The following DGUOK variants were observed in gnomAD, a reference collection of about 807,000 sequenced individuals.
The protein encoded by DGUOK is deoxyguanosine kinase, mitochondrial.
Under a neutral mutation model 36.6 loss-of-function variants are expected in DGUOK, and 30 were observed. The ratio of observed to expected loss-of-function variants is 0.82; its 90% CI spans 0.61 to 1.11. The LOEUF (loss-of-function observed/expected upper bound fraction) is 1.11, where lower values mean the gene tolerates loss of function less well. Among genes scored for constraint, DGUOK ranks in the 50% most tolerant of loss-of-function variants. The pLI, the probability that DGUOK is intolerant of heterozygous loss-of-function variation, is 0.00. For missense variants in DGUOK, 361 were observed against 336.4 expected, an observed-to-expected ratio of 1.07 and a Z score of -0.57; for synonymous variants, 145 against 126.3, an observed-to-expected ratio of 1.15 and a Z score of -0.99.
intron 3 of DGUOK, 66 bp from the exon 4 acceptor site, chr2:73,950,519 C>T (rs1017344472): frequency 1.9e-6 from 3 of 1,555,896 alleles, no homozygotes; most frequent in East Asian, 2.2e-5. Flanking sequence ...TTCTCTCTCT[C>T]TCTCGTGCCT....
At chr2:73,946,679 C>G (rs1225436214) in intron 2 of DGUOK, 40 bp from the exon 3 acceptor site, 2 of 1,597,648 alleles carry the variant, frequency 1.3e-6, no homozygotes, top group South Asian at 2.2e-5. Flanking sequence ...AGTAAATATG[C>G]TTTCTAGGAA....
chr2:73,946,883 TGA>T lies in DGUOK; in HGVS notation c.424_425del (p.Arg142ValfsTer5). The T allele has an allele frequency of 1.2e-6, 2 of 1,613,142 alleles. No homozygotes were observed. Among genetic ancestry groups the T allele is most frequent in the Non-Finnish European group, 1.7e-6 (2 of 1,179,802 alleles). ...AGGCCAGGAAGCCAGTACAGATCTT[TGA>T]GAGGTCTGTGTACAGTGACAGGTAA... ...LQARKPVQIF[E>X]RSVYSDRYIF... On this transcript the variant is annotated frameshift_variant, in exon 3 of 7. Coordinates refer to ENST00000264093, the MANE Select transcript of DGUOK (RefSeq NM_080916.3). LOFTEE classifies it high-confidence loss of function.
At chr2:73,957,628 C>G (rs1028161446) in intron 5 of DGUOK, among the ~76,000 whole-genome samples, 2 of 152,164 alleles carry the variant, frequency 1.3e-5, no homozygotes, top group Non-Finnish European at 2.9e-5. Context: ...GAGCCGAGAT[C>G]GCACCACTGT....
chr2:73,947,401 T>C (rs1205113782), intron 3 of DGUOK, among the ~76,000 whole-genome samples: 2 of 152,108 alleles, frequency 1.3e-5, no homozygotes, highest in African/African-American at 4.8e-5. Flanking sequence ...TAGGCAGAAA[T>C]AGCACATCTG....
intron 1 of DGUOK, among the ~76,000 whole-genome samples, chr2:73,930,830 C>G (rs577016102): frequency 8.0e-6 from 1 of 124,786 alleles, no homozygotes; most frequent in Admixed American, 9.9e-5. Context: ...GAGTCTTGCT[C>G]TGGCACCCAG....
chr2:73,954,508 A>C (rs968597878), intron 4 of DGUOK, among the ~76,000 whole-genome samples: 1 of 152,038 alleles, frequency 6.6e-6, no homozygotes, highest in African/African-American at 2.4e-5. Flanking sequence ...CATCTCTAAA[A>C]ATTTTTTTTA....
At chr2:73,942,582 A>G (rs936591567) in intron 2 of DGUOK, among the ~76,000 whole-genome samples, 1 of 124,908 alleles carries the variant, frequency 8.0e-6, no homozygotes, top group African/African-American at 2.9e-5. Context: ...TATTTATCTT[A>G]TATGATTTAA....
At chr2:73,954,724 G>C (rs1682962325) in intron 4 of DGUOK, among the ~76,000 whole-genome samples, 1 of 152,100 alleles carries the variant, frequency 6.6e-6, no homozygotes, top group African/African-American at 2.4e-5. Context: ...GAGAGGCATA[G>C]TGAAAAGACC....
intron 1 of DGUOK, among the ~76,000 whole-genome samples, chr2:73,931,076 G>A (rs901200459): frequency 2.0e-5 from 3 of 152,082 alleles, no homozygotes; most frequent in Non-Finnish European, 4.4e-5. Context: ...GATTATAGGC[G>A]TTAGCCACCG....
intron 3 of DGUOK, among the ~76,000 whole-genome samples, chr2:73,949,618 C>G (rs1040399825): frequency 6.6e-6 from 1 of 152,200 alleles, no homozygotes; most frequent in Non-Finnish European, 1.5e-5. Flanking sequence ...AAGGTATTCT[C>G]TCAGTGGTGA....
intron 2 of DGUOK, among the ~76,000 whole-genome samples, chr2:73,945,656 CA>C (rs1206592581): frequency 1.3e-5 from 2 of 152,214 alleles, no homozygotes; most frequent in African/African-American, 4.8e-5. Context: ...CTCATCCACA[CA>C]GGCCTTCAGT....
chr2:73,945,856 C>T (rs1682260994), intron 2 of DGUOK, among the ~76,000 whole-genome samples: 1 of 152,130 alleles, frequency 6.6e-6, no homozygotes, highest in South Asian at 2.1e-4. Flanking sequence ...AACCCTGTCT[C>T]TACTAAAAAT....
intron 2 of DGUOK, among the ~76,000 whole-genome samples, chr2:73,943,325 T>TAAA (rs1682037981): frequency 3.7e-4 from 12 of 32,058 alleles, no homozygotes; most frequent in Non-Finnish European, 6.8e-4. Flanking sequence ...ACTTAAAAAT[T>TAAA]TTTTTTTTTT....
rs1311985668 is a variant in DGUOK, at chr2:73,946,817, C to T, written c.354C>T (p.Arg118=). The T allele has an allele frequency of 3.1e-6, 5 of 1,613,952 alleles. No homozygotes were observed. Among genetic ancestry groups the T allele is most frequent in the Non-Finnish European group, 4.2e-6 (5 of 1,180,040 alleles). Residue 118 remains arginine, a synonymous_variant, in exon 3 of 7, where the codon CGC becomes CGT. Coordinates refer to ENST00000264093, the MANE Select transcript of DGUOK (RefSeq NM_080916.3). The stretch of plus-strand genomic sequence containing the variant: ...TCCAGACATTTTCCTTTTTGAGCCG[C>T]CTGAAAGTACAGCTGGAGCCCTTCC... ...YTFQTFSFLS[R]LKVQLEPFPE...
intron 4 of DGUOK, among the ~76,000 whole-genome samples, chr2:73,956,225 G>T (rs1206397730): frequency 6.6e-6 from 1 of 152,216 alleles, no homozygotes; most frequent in Non-Finnish European, 1.5e-5. Context: ...CAAAGCAGCG[G>T]GGGAGGAGAG....
At chr2:73,933,086 G>A (rs1558644585) in intron 1 of DGUOK, among the ~76,000 whole-genome samples, 1 of 152,126 alleles carries the variant, frequency 6.6e-6, no homozygotes, top group Non-Finnish European at 1.5e-5. Flanking sequence ...TTTCAATCAA[G>A]AAACTTAAAC....
At chr2:73,938,776 G>A in intron 1 of DGUOK, 134 bp from the exon 2 acceptor site, 1 of 710,944 alleles carries the variant, frequency 1.4e-6, no homozygotes, top group Non-Finnish European at 2.6e-6. Context: ...ACAATGGTAC[G>A]GCTGCTGAGT....
Position 73,953,080 on chromosome 2 carries a change from C to A in DGUOK, c.591+2348C>A, listed in dbSNP as rs562865825. ...CATCCCACTCTCATGGCAACTGGTC[C>A]AATCCCACGAGAGTGAGAACTCATT... On this transcript the variant is annotated intron_variant, in intron 4 of 6. Coordinates refer to ENST00000264093, the MANE Select transcript of DGUOK (RefSeq NM_080916.3). Among the ~76,000 whole-genome samples the A allele has an allele frequency of 3.3e-5, 5 of 152,146 alleles. No homozygotes were observed. The East Asian group carries it at 9.7e-4, about 29-fold the overall frequency.
intron 1 of DGUOK, among the ~76,000 whole-genome samples, chr2:73,928,078 A>G (rs962934589): frequency 6.6e-6 from 1 of 152,206 alleles, no homozygotes; most frequent in Non-Finnish European, 1.5e-5. Context: ...TATGTTAGAG[A>G]GTAATAAGTA....
Sources: allele counts gnomAD v4.1 joint callset (sites outside exome capture counted in the v4.1 genomes callset), GRCh38; gene constraint gnomAD v4.1.1; transcripts MANE v1.5; gene names NCBI Gene and HGNC (gene_info 2026-07-23, HGNC 2026-07-21).